The following ATP10A variants were observed in gnomAD, a reference collection of about 807,000 sequenced individuals.
ATP10A encodes phospholipid-transporting ATPase VA.
In ATP10A, 111 loss-of-function variants were observed where a neutral mutation model predicts 147.8. The observed-to-expected ratio is 0.75, with a 90% CI of 0.64 to 0.88. The LOEUF (loss-of-function observed/expected upper bound fraction) is 0.88. Among genes scored for constraint, ATP10A ranks in the 40% least tolerant of loss-of-function variants. The pLI, the probability that ATP10A is intolerant of heterozygous loss-of-function variation, is 0.00. For missense variants in ATP10A, 1,927 were observed against 1,959.0 expected (o/e 0.98, Z 0.31); for synonymous variants, 875 against 841.6 (o/e 1.04, Z -0.69).
At chr15:25,783,657 C>G in intron 1 of ATP10A, among the ~76,000 whole-genome samples, 1 of 152,224 alleles carries the variant, frequency 6.6e-6, no homozygotes, top group East Asian at 1.9e-4. Flanking sequence ...AACAAAGATA[C>G]ATTAGATGAT....
intron 3 of ATP10A, among the ~76,000 whole-genome samples, chr15:25,732,922 A>G (rs547369212): frequency 6.6e-6 from 1 of 152,130 alleles, no homozygotes; most frequent in Non-Finnish European, 1.5e-5. Context: ...TCAGCCTGTG[A>G]GGTTGACAGG....
intron 1 of ATP10A, among the ~76,000 whole-genome samples, chr15:25,787,095 C>T (rs771144135): frequency 2.6e-5 from 4 of 152,048 alleles, no homozygotes; most frequent in Non-Finnish European, 5.9e-5. Context: ...GGAAACCAAA[C>T]GCGCAGAGAC....
chr15:25,726,877 C>T (rs1427595276), intron 4 of ATP10A, among the ~76,000 whole-genome samples: 1 of 142,858 alleles, frequency 7.0e-6, no homozygotes, highest in African/African-American at 2.6e-5. Context: ...CGGTGAAATC[C>T]CGTATCTACT....
intron 1 of ATP10A, among the ~76,000 whole-genome samples, chr15:25,839,329 A>G (rs1228519681): frequency 1.3e-5 from 2 of 152,222 alleles, no homozygotes; most frequent in African/African-American, 4.8e-5. Context: ...ATGTAATCTC[A>G]TCTTCCAGAG....
intron 10 of ATP10A, among the ~76,000 whole-genome samples, chr15:25,712,661 T>C (rs1901514830): frequency 6.6e-6 from 1 of 152,294 alleles, no homozygotes; most frequent in South Asian, 2.1e-4. Flanking sequence ...TGTCCATGAA[T>C]TGGATTCTTT....
At chr15:25,747,755 C>CA (rs902121843) in intron 2 of ATP10A, among the ~76,000 whole-genome samples, 3 of 152,054 alleles carry the variant, frequency 2.0e-5, no homozygotes, top group South Asian at 2.1e-4. Context: ...AATCTTTCTG[C>CA]AAAAAACACT....
intron 1 of ATP10A, among the ~76,000 whole-genome samples, chr15:25,854,967 G>A (rs1893445201): frequency 6.6e-6 from 1 of 151,380 alleles, no homozygotes; most frequent in Non-Finnish European, 1.5e-5. Context: ...GCTGAGGCAG[G>A]AGAATCGCTT....
At chr15:25,680,528 G>C (rs7178018) in intron 19 of ATP10A, among the ~76,000 whole-genome samples, 1 of 151,888 alleles carries the variant, frequency 6.6e-6, no homozygotes, top group Non-Finnish European at 1.5e-5. Context: ...AGTCAGGGGC[G>C]AGAGGGCAAG....
At chr15:25,720,314 G>A (rs533149261) in intron 7 of ATP10A, among the ~76,000 whole-genome samples, 208 of 152,242 alleles carry the variant, frequency 1.4e-3, no homozygotes, top group African/African-American at 4.6e-3. Flanking sequence ...TTTTTATGAT[G>A]AGACAGTTAA....
Position 25,807,906 on chromosome 15 carries a change from G to T in ATP10A, c.450-26683C>A, listed in dbSNP as rs886618194. On this transcript the variant is annotated intron_variant, in intron 1 of 20. Transcript: ENST00000555815. The stretch of plus-strand genomic sequence containing the variant: ...TGAATTCTGCAGCTGTTTTGTAGTG[G>T]AGGTGAAGGTCAATTGAACGATTTC... Among the ~76,000 whole-genome samples, 10 of 152,146 alleles carry T rather than the reference G, an allele frequency of 6.6e-5. No homozygotes were observed. The East Asian group carries it at 9.7e-4, about 15-fold the overall frequency.
chr15:25,751,906 G>A (rs900409059), intron 2 of ATP10A, among the ~76,000 whole-genome samples: 1 of 152,056 alleles, frequency 6.6e-6, no homozygotes, highest in Non-Finnish European at 1.5e-5. Flanking sequence ...AAAGACATAT[G>A]AAAAAATGCT....
chr15:25,770,363 G>A (rs796968843), intron 2 of ATP10A, among the ~76,000 whole-genome samples: 44 of 152,276 alleles, frequency 2.9e-4, no homozygotes, highest in Admixed American at 5.9e-4. Flanking sequence ...CAGGCCCTGC[G>A]CCCCAACTGT....
In ATP10A at chr15:25,782,699, T is replaced by G. The variant is rs1889980529; in HGVS notation, c.450-1476A>C. On this transcript the variant is annotated intron_variant, in intron 1 of 20. Coordinates refer to ENST00000555815, the MANE Select transcript of ATP10A (RefSeq NM_024490.4). ...TTTAGATTAAAACATAATTTTTAGA[T>G]TTCTTCTTTAATTCTTTTTCCTGGA... 4.6e-5 allele frequency among the ~76,000 whole-genome samples: 7 copies of G among 152,292 alleles called. No homozygotes were observed. The South Asian group carries it at 1.4e-3, about 32-fold the overall frequency.
At chr15:25,703,272 T>C (rs1175207262) in intron 12 of ATP10A, among the ~76,000 whole-genome samples, 1 of 152,162 alleles carries the variant, frequency 6.6e-6, no homozygotes, top group Non-Finnish European at 1.5e-5. Flanking sequence ...GCAGAATTGC[T>C]TGAACCCAGG....
intron 1 of ATP10A, among the ~76,000 whole-genome samples, chr15:25,791,101 T>TTC (rs1567386957): frequency 1.3e-5 from 2 of 149,590 alleles, no homozygotes; most frequent in Admixed American, 6.7e-5. Context: ...TTTTTTTTTT[T>TTC]CAAGACCCTT....
Position 25,726,887 on chromosome 15 carries a change from TAA to T in ATP10A, c.847+271_847+272del, listed in dbSNP as rs1207702583. On this transcript the variant is annotated intron_variant, in intron 4 of 20. Transcript: ENST00000555815. ...TAATACGGTGAAATCCCGTATCTACTAAAAAAATACAAAAAAAAAAAAAGGAG... is the reference window on the plus strand; with the variant it reads ...TAATACGGTGAAATCCCGTATCTACTAAAAATACAAAAAAAAAAAAAGGAG... Among the ~76,000 whole-genome samples, 3 of 74,430 alleles carry T rather than the reference TAA, an allele frequency of 4.0e-5. No individual in the cohort carries two copies. The East Asian group carries it at 1.5e-3, about 38-fold the overall frequency. 48.8% of individuals were successfully genotyped at this position (74,430 alleles called of 152,430 possible). A position where few individuals can be genotyped will look rare whatever the true frequency, so the allele number is the denominator to read the frequency against.
chr15:25,780,981 G>C (rs763288831), intron 2 of ATP10A, 38 bp downstream of exon 2: 3 of 1,602,004 alleles, frequency 1.9e-6, no homozygotes, highest in Non-Finnish European at 2.6e-6. Flanking sequence ...CTGTGTGGCT[G>C]TAATGCCTGC....
chr15:25,845,755 G>A (rs1440096176), intron 1 of ATP10A, among the ~76,000 whole-genome samples: 6 of 152,126 alleles, frequency 3.9e-5, no homozygotes, highest in Admixed American at 1.3e-4. Context: ...TCCCCAGGGT[G>A]CATGCTGCCC....
intron 1 of ATP10A, among the ~76,000 whole-genome samples, chr15:25,812,235 A>G (rs758952148): frequency 3.9e-5 from 6 of 152,214 alleles, no homozygotes; most frequent in Non-Finnish European, 5.9e-5. Context: ...CACAGTATCA[A>G]TCACACTTCA....
Sources: gnomAD v4.1 joint callset for allele counts (sites outside exome capture counted in the v4.1 genomes callset) on GRCh38, gnomAD v4.1.1 for gene constraint, MANE v1.5 for transcripts, NCBI Gene and HGNC (gene_info 2026-07-23, HGNC 2026-07-21) for gene names.